The following PIKFYVE variants were observed in gnomAD, a reference collection of about 807,000 sequenced individuals.
PIKFYVE encodes 1-phosphatidylinositol 3-phosphate 5-kinase.
PIKFYVE carries 122 observed loss-of-function variants against 257.9 expected under a neutral mutation model. That is an observed-to-expected ratio of 0.47 (90% CI 0.41 to 0.55). The LOEUF (loss-of-function observed/expected upper bound fraction) is 0.55. Ranked by LOEUF, PIKFYVE falls within the 20% of genes least tolerant of loss-of-function variation. The pLI, the probability that PIKFYVE is intolerant of heterozygous loss-of-function variation, is 0.00. For missense variants in PIKFYVE, 2,160 were observed against 2,536.6 expected, an observed-to-expected ratio of 0.85 and a Z score of 3.19; for synonymous variants, 892 against 868.9, an observed-to-expected ratio of 1.03 and a Z score of -0.47.
At chr2:208,277,173 C>T (rs1289935436) in intron 4 of PIKFYVE, among the ~76,000 whole-genome samples, 3 of 152,032 alleles carry the variant, frequency 2.0e-5, no homozygotes, top group Non-Finnish European at 4.4e-5. Flanking sequence ...GATATAGTAC[C>T]ATTGTTTTTG....
rs2125849826 is a variant in PIKFYVE, at chr2:208,356,746, A to G, written c.*1441A>G. The G allele has an allele frequency of 6.5e-6, 1 of 152,792 alleles. No homozygotes were observed. Among genetic ancestry groups the G allele is most frequent in the East Asian group, 1.9e-4 (1 of 5,188 alleles). 9.5% of individuals were successfully genotyped at this position (152,792 alleles called of 1,614,324 possible). ...TTTATTTTAAAAAGTGATCAGAAGT[A>G]GTAAACTATCTTTGAGGAAATACTG... On this transcript the variant is annotated 3_prime_UTR_variant, in exon 42 of 42. Coordinates refer to ENST00000264380, the MANE Select transcript of PIKFYVE (RefSeq NM_015040.4).
intron 11 of PIKFYVE, among the ~76,000 whole-genome samples, chr2:208,304,595 A>G (rs1161196110): frequency 1.3e-5 from 2 of 152,232 alleles, no homozygotes; most frequent in Admixed American, 6.5e-5. Context: ...TCTCTTCACT[A>G]TAATATCAGA....
intron 31 of PIKFYVE, among the ~76,000 whole-genome samples, chr2:208,340,741 A>G (rs977719172): frequency 6.6e-6 from 1 of 152,180 alleles, no homozygotes; most frequent in Non-Finnish European, 1.5e-5. Context: ...TTCAATCAGT[A>G]TTTAAACTTT....
chr2:208,329,873 G>T lies in PIKFYVE; in HGVS notation c.3751G>T (p.Asp1251Tyr). 1 of 1,610,610 alleles carries T rather than the reference G, an allele frequency of 6.2e-7. No homozygotes were observed. Among genetic ancestry groups the T allele is most frequent in the South Asian group, 1.1e-5 (1 of 91,004 alleles). ...AACAATGGAATTTTATGGAAAGAAT[G>T]ATCTTACATTAGGAATATTTTTAGA... ...IVTMEFYGKN[D>Y]LTLGIFLERY... Residue 1251 changes from aspartate to tyrosine, a missense_variant, in exon 22 of 42, where the codon GAT becomes TAT. Physicochemically the swap from Asp to Tyr is radical, Grantham distance 160. Coordinates refer to ENST00000264380, the MANE Select transcript of PIKFYVE (RefSeq NM_015040.4).
chr2:208,288,408 A>G (rs1054355986), intron 6 of PIKFYVE, among the ~76,000 whole-genome samples: 3 of 152,158 alleles, frequency 2.0e-5, no homozygotes, highest in African/African-American at 4.8e-5. Flanking sequence ...TGAACTCAAG[A>G]TTTCCCTCCA....
chr2:208,273,668 T>G lies in PIKFYVE; in HGVS notation c.257T>G (p.Val86Gly). 6.2e-7 allele frequency: 1 copy of G among 1,614,144 alleles called. No individual in the cohort carries two copies. Among genetic ancestry groups the G allele is most frequent in the Non-Finnish European group, 8.5e-7 (1 of 1,180,024 alleles). Residue 86 changes from valine to glycine, a missense_variant, in exon 3 of 42, where the codon GTT becomes GGT. Physicochemically the swap from Val to Gly is moderately radical, Grantham distance 109. Coordinates refer to ENST00000264380, the MANE Select transcript of PIKFYVE (RefSeq NM_015040.4). The stretch of plus-strand genomic sequence containing the variant: ...CAGCTCCCTTCGAGGACACAGTCTG[T>G]TAGGTCACCCACACCTTATAAAAAG... ...SPQLPSRTQSVRSPTPYKKQL... is the reference protein window; with the variant it reads ...SPQLPSRTQSGRSPTPYKKQL...
chr2:208,325,262 G>C lies in PIKFYVE; in HGVS notation c.2459-8G>C, dbSNP rs1243149968. ...CCATCTTAACTTTCTGTTTGTTTTT[G>C]TTTGTAGAACAAACCAAGACACTGA... On this transcript the variant is annotated splice_region_variant and splice_polypyrimidine_tract_variant and intron_variant, in intron 19 of 41. Coordinates refer to ENST00000264380, the MANE Select transcript of PIKFYVE (RefSeq NM_015040.4). 6.2e-7 allele frequency: 1 copy of C among 1,612,694 alleles called. No homozygotes were observed. The highest frequency in any genetic ancestry group is 1.3e-5 in the African/African-American group (1 of 74,852).
chr2:208,335,137 ATATT>A (rs1553524792), intron 24 of PIKFYVE, among the ~76,000 whole-genome samples, 165 bp from the exon 25 acceptor site: 2 of 152,202 alleles, frequency 1.3e-5, no homozygotes, highest in Non-Finnish European at 2.9e-5. Context: ...ATTGGGGAGG[ATATT>A]TATTGTAACA....
Position 208,344,625 on chromosome 2 carries a change from C to T in PIKFYVE, c.5028-486C>T, listed in dbSNP as rs76977160. Among the ~76,000 whole-genome samples, 511 of 151,146 alleles carry T rather than the reference C, an allele frequency of 3.4e-3. 3 individuals carry two copies. The highest frequency in any genetic ancestry group is 0.012 in the African/African-American group (494 of 41,266). ...ACATCCTAACATGCCTCTCTTGTTG[C>T]ATGACATTTATCTAAAGCAGGGTTC... On this transcript the variant is annotated intron_variant, in intron 32 of 41. Transcript: ENST00000264380.
At chr2:208,301,139 A>G (rs1373657423) in intron 9 of PIKFYVE, 45 bp downstream of exon 9, 3 of 1,599,790 alleles carry the variant, frequency 1.9e-6, no homozygotes, top group South Asian at 1.1e-5. Flanking sequence ...TTTATTTTGA[A>G]TGAGAAAACA....
chr2:208,275,159 C>T (rs531127979), intron 3 of PIKFYVE, among the ~76,000 whole-genome samples: 88 of 152,298 alleles, frequency 5.8e-4, no homozygotes, highest in Middle Eastern at 3.4e-3. Context: ...ACTAGCTTTC[C>T]GACCTTAGGA....
At chr2:208,300,646 A>G (rs1017188825) in intron 8 of PIKFYVE, among the ~76,000 whole-genome samples, 2 of 152,210 alleles carry the variant, frequency 1.3e-5, no homozygotes, top group African/African-American at 4.8e-5. Context: ...GCCTTGCCCC[A>G]TCTCCAAAGA....
At position 208,340,005 on chromosome 2, in the gene PIKFYVE, T is replaced by C. The variant is rs749311339; in HGVS notation, c.4811-6T>C. Reference sequence around the variant, plus strand: ...TAATATATAAGTAGACTATTTTTCATTTTAGATGTGTTTGATGGGCATTTG... The same window carrying C: ...TAATATATAAGTAGACTATTTTTCACTTTAGATGTGTTTGATGGGCATTTG... On this transcript the variant is annotated splice_polypyrimidine_tract_variant and splice_region_variant and intron_variant, in intron 30 of 41. Coordinates refer to ENST00000264380, the MANE Select transcript of PIKFYVE (RefSeq NM_015040.4). The C allele has an allele frequency of 6.2e-7, 1 of 1,612,572 alleles. No individual in the cohort carries two copies. The highest frequency in any genetic ancestry group is 2.2e-5 in the East Asian group (1 of 44,846).
chr2:208,282,256 T>G (rs1020064223), intron 5 of PIKFYVE, among the ~76,000 whole-genome samples: 2 of 152,246 alleles, frequency 1.3e-5, no homozygotes, highest in Non-Finnish European at 2.9e-5. Flanking sequence ...CATTAGTGCC[T>G]TTAAATCTAA....
rs896897284 is a variant in PIKFYVE, at chr2:208,285,744, C to G, written c.632C>G (p.Thr211Arg). ...MGYTGDLRAC[T>R]YCRKIALSYA... ...CTCCTAGGAGACCTCCGAGCTTGCA[C>G]ATATTGTAGAAAAATAGCCTTAAGT... Residue 211 changes from threonine to arginine, a missense_variant, in exon 6 of 42, where the codon ACA becomes AGA. Thr to Arg is a moderately conservative substitution (Grantham distance 71). Around this residue, in one of 12 missense-constraint regions of PIKFYVE, gnomAD observed 187 missense variants for 185.6 expected, o/e 1.01. Transcript: ENST00000264380. 2.5e-6 allele frequency: 4 copies of G among 1,613,902 alleles called. No individual in the cohort carries two copies. The highest frequency in any genetic ancestry group is 3.4e-6 in the Non-Finnish European group (4 of 1,179,852).
chr2:208,317,408 T>C (rs1438654841), intron 15 of PIKFYVE, among the ~76,000 whole-genome samples: 1 of 137,618 alleles, frequency 7.3e-6, no homozygotes, highest in Non-Finnish European at 1.6e-5. Context: ...ATCAGAGAAA[T>C]GCAAATCAAA....
chr2:208,346,238 C>T lies in PIKFYVE; in HGVS notation c.5209+91C>T, dbSNP rs545202220. The T allele has an allele frequency of 8.7e-6, 9 of 1,038,456 alleles. No homozygotes were observed. In the East Asian group the frequency reaches 2.1e-4, roughly 24 times the overall value. 64.3% of individuals were successfully genotyped at this position (1,038,456 alleles called of 1,614,324 possible). On this transcript the variant is annotated intron_variant, in intron 34 of 41. Coordinates refer to ENST00000264380, the MANE Select transcript of PIKFYVE (RefSeq NM_015040.4). ...ATACATAAAAACAAATAAGTACTAT[C>T]TGGCAATGATTTACTACTTATGATC... is the stretch of plus-strand genomic sequence containing the variant.
At chr2:208,279,548 C>A (rs1207072939) in intron 5 of PIKFYVE, among the ~76,000 whole-genome samples, 4 of 152,156 alleles carry the variant, frequency 2.6e-5, no homozygotes, top group African/African-American at 9.7e-5. Flanking sequence ...ATATTTAAAT[C>A]TTTAATCCAT....
intron 22 of PIKFYVE, 45 bp downstream of exon 22, chr2:208,329,958 GC>G: frequency 1.3e-6 from 2 of 1,599,896 alleles, no homozygotes; most frequent in Non-Finnish European, 1.7e-6. Flanking sequence ...CATTTTTGAT[GC>G]TCAAAATTTC....
Sources: gnomAD v4.1 joint callset for allele counts (sites outside exome capture counted in the v4.1 genomes callset) on GRCh38, gnomAD v4.1.1 for gene constraint, gnomAD v4.1.1 regional missense constraint, MANE v1.5 for transcripts, NCBI Gene and HGNC (gene_info 2026-07-23, HGNC 2026-07-21) for gene names.